The following RANBP17 variants were observed in gnomAD, a reference collection of about 807,000 sequenced individuals.
The protein encoded by RANBP17 is ran-binding protein 17.
In RANBP17, 158 loss-of-function variants were observed where a neutral mutation model predicts 141.2. The observed-to-expected ratio is 1.12, with a 90% CI of 0.98 to 1.28. RANBP17 has a LOEUF of 1.28. Ranked by LOEUF, RANBP17 falls within the 50% of genes most tolerant of loss-of-function variation. The pLI, the probability that RANBP17 is intolerant of heterozygous loss-of-function variation, is 0.00. For synonymous variants in RANBP17, 430 were observed against 450.0 expected, an observed-to-expected ratio of 0.96 and a Z score of 0.56; for missense variants, 1,438 against 1,290.7, an observed-to-expected ratio of 1.11 and a Z score of -1.75.
rs758628936 is a variant in RANBP17, at chr5:171,183,173, C to A, written c.1872C>A (p.Ile624=). ...ATTCCTTAACTTCTATTACTTATAT[C>A]CTTTTAAAAAAACTTGTGAAGATAG... is the stretch of plus-strand genomic sequence containing the variant. The part of the protein sequence containing the change: ...QFLNDLSVGY[I]LLKKLVKIDA... Residue 624 remains isoleucine, a synonymous_variant, in exon 17 of 28, where the codon ATC becomes ATA. Transcript: ENST00000523189. The A allele has an allele frequency of 2.0e-5, 30 of 1,519,468 alleles. No homozygotes were observed. The highest frequency in any genetic ancestry group is 2.6e-5 in the Non-Finnish European group (28 of 1,094,502). The allele number at this position is 1,519,468 out of a possible 1,614,324, so 94.1% of individuals were successfully genotyped here.
chr5:170,890,049 T>A (rs1257537481), intron 3 of RANBP17, among the ~76,000 whole-genome samples: 1 of 152,158 alleles, frequency 6.6e-6, no homozygotes, highest in East Asian at 1.9e-4. Flanking sequence ...GTTTGGGCAA[T>A]CTGGGAACAT....
At chr5:171,179,328 A>G (rs1170353294) in intron 16 of RANBP17, among the ~76,000 whole-genome samples, 3 of 151,708 alleles carry the variant, frequency 2.0e-5, no homozygotes, top group African/African-American at 7.3e-5. Context: ...TCTTTTCTTT[A>G]TATTTGCTTA....
chr5:171,142,200 A>G lies in RANBP17; in HGVS notation c.1711-27930A>G, dbSNP rs191179391. On this transcript the variant is annotated intron_variant, in intron 14 of 27. Transcript: ENST00000523189. ...TCCATTTTTTTGTCTTCTGTGCTCT[A>G]TATTTTTAGTAGAATGTTTGTGGAG... Among the ~76,000 whole-genome samples the G allele has an allele frequency of 5.3e-5, 8 of 152,260 alleles. No individual in the cohort carries two copies. In the East Asian group the frequency reaches 1.3e-3, roughly 26 times the overall value.
chr5:170,892,820 T>C (rs573283098), intron 4 of RANBP17, among the ~76,000 whole-genome samples: 1 of 152,350 alleles, frequency 6.6e-6, no homozygotes, highest in East Asian at 1.9e-4. Context: ...GTCTATGTAC[T>C]GTATATATAA....
intron 25 of RANBP17, among the ~76,000 whole-genome samples, chr5:171,284,070 G>A (rs138473042): frequency 7.2e-4 from 110 of 152,226 alleles, no homozygotes; most frequent in African/African-American, 2.4e-3. Context: ...CTGTTTCCCC[G>A]CTCCCTTCCT....
intron 14 of RANBP17, among the ~76,000 whole-genome samples, chr5:171,075,640 A>G (rs1263600458): frequency 3.9e-5 from 6 of 152,152 alleles, no homozygotes; most frequent in Admixed American, 3.9e-4. Context: ...AACTCTGTGA[A>G]TATACTAAAA....
intron 7 of RANBP17, 51 bp from the exon 8 acceptor site, chr5:170,914,116 A>G: frequency 8.3e-7 from 1 of 1,205,704 alleles, no homozygotes; most frequent in Non-Finnish European, 1.2e-6. Flanking sequence ...TTACTTTGTT[A>G]AGATCACTGA....
intron 14 of RANBP17, among the ~76,000 whole-genome samples, chr5:171,014,081 C>T (rs1780264925): frequency 6.6e-6 from 1 of 152,036 alleles, no homozygotes; most frequent in Admixed American, 6.6e-5. Context: ...AAAAGACCCT[C>T]TTTATTCATG....
At chr5:170,924,721 GA>G in intron 12 of RANBP17, 171 bp downstream of exon 12, 1 of 418,284 alleles carries the variant, frequency 2.4e-6, no homozygotes, top group Admixed American at 3.9e-5. Context: ...TTTGTTGGTT[GA>G]TTTTTTTTTT....
At chr5:170,998,021 G>C (rs1025154417) in intron 14 of RANBP17, among the ~76,000 whole-genome samples, 1 of 151,590 alleles carries the variant, frequency 6.6e-6, no homozygotes, top group South Asian at 2.1e-4. Context: ...AGGCTGAGGC[G>C]GGCGGATCAC....
chr5:171,063,173 C>A (rs1784028839), intron 14 of RANBP17, among the ~76,000 whole-genome samples: 1 of 152,224 alleles, frequency 6.6e-6, no homozygotes, highest in Non-Finnish European at 1.5e-5. Context: ...CAAACTCATT[C>A]TCTGTCCAGC....
chr5:170,960,441 C>G (rs751094093), intron 13 of RANBP17, among the ~76,000 whole-genome samples: 29 of 152,212 alleles, frequency 1.9e-4, no homozygotes, highest in Admixed American at 5.9e-4. Context: ...TCACCTAACC[C>G]TGGCTCTCTT....
chr5:171,255,825 A>G (rs1189819020), intron 24 of RANBP17, among the ~76,000 whole-genome samples: 1 of 152,192 alleles, frequency 6.6e-6, no homozygotes, highest in Non-Finnish European at 1.5e-5. Context: ...AACTATGTAC[A>G]TGATTGTTAG....
chr5:170,975,809 C>T (rs894791435), intron 14 of RANBP17, among the ~76,000 whole-genome samples: 7 of 150,804 alleles, frequency 4.6e-5, no homozygotes, highest in African/African-American at 1.7e-4. Context: ...TTGAATAGTA[C>T]TAGGGTCTTA....
intron 12 of RANBP17, among the ~76,000 whole-genome samples, chr5:170,947,058 C>T (rs1052653116): frequency 6.6e-5 from 10 of 152,016 alleles, no homozygotes; most frequent in African/African-American, 2.4e-4. Context: ...ATCAAGTAGG[C>T]AAATTCACAA....
chr5:171,171,541 C>G (rs1031620731), intron 16 of RANBP17, among the ~76,000 whole-genome samples: 24 of 151,964 alleles, frequency 1.6e-4, no homozygotes, highest in Non-Finnish European at 5.9e-5. Context: ...TATTTATACT[C>G]ACCCAGGCTA....
Position 171,252,730 on chromosome 5 carries a change from G to A in RANBP17, c.2776+9910G>A, listed in dbSNP as rs1200276384. The A allele has an allele frequency of 3.5e-6, 5 of 1,446,582 alleles. No homozygotes were observed. The East Asian group carries it at 9.1e-5, about 26-fold the overall frequency. 89.6% of individuals were successfully genotyped at this position (1,446,582 alleles called of 1,614,324 possible). A position where few individuals can be genotyped will look rare whatever the true frequency, so the allele number is the denominator to read the frequency against. ...AATGTACAGCCTTGTTGCTGTTGTG[G>A]TTCACTGTGGAAGACTTATTTGTAG... On this transcript the variant is annotated intron_variant, in intron 24 of 27. Coordinates refer to ENST00000523189, the MANE Select transcript of RANBP17 (RefSeq NM_022897.5).
intron 13 of RANBP17, among the ~76,000 whole-genome samples, chr5:170,959,960 A>G (rs545321513): frequency 6.6e-6 from 1 of 152,282 alleles, no homozygotes; most frequent in East Asian, 1.9e-4. Context: ...TTCAAGGGCA[A>G]ACTATTCTTC....
chr5:171,266,791 A>G, intron 25 of RANBP17, among the ~76,000 whole-genome samples: 1 of 152,078 alleles, frequency 6.6e-6, no homozygotes, highest in East Asian at 1.9e-4. Flanking sequence ...GCTCACCTGT[A>G]GTCCCAGCTA....
Sources: gnomAD v4.1 joint callset for allele counts (sites outside exome capture counted in the v4.1 genomes callset) on GRCh38, gnomAD v4.1.1 for gene constraint, MANE v1.5 for transcripts, NCBI Gene and HGNC (gene_info 2026-07-23, HGNC 2026-07-21) for gene names.